The following LAMC3 variants were observed in gnomAD, a reference collection of about 807,000 sequenced individuals.
LAMC3 encodes the protein laminin subunit gamma 3, also known as laminin subunit gamma-3.
LAMC3 carries 128 observed loss-of-function variants against 173.8 expected under a neutral mutation model. The ratio of observed to expected loss-of-function variants is 0.74; its 90% CI spans 0.64 to 0.85. The LOEUF is 0.85. Among genes scored for constraint, LAMC3 ranks in the 40% least tolerant of loss-of-function variants. The probability of loss-of-function intolerance (pLI) is 0.00; values close to 1 mark genes in which losing one functional copy is unlikely to be tolerated. For synonymous variants in LAMC3, 897 were observed against 909.1 expected, an observed-to-expected ratio of 0.99 and a Z score of 0.24; for missense variants, 2,022 against 2,156.0, an observed-to-expected ratio of 0.94 and a Z score of 1.23.
chr9:131,060,599 C>T (rs909487557), intron 12 of LAMC3, among the ~76,000 whole-genome samples: 2 of 152,000 alleles, frequency 1.3e-5, no homozygotes, highest in Non-Finnish European at 2.9e-5. Context: ...AGCCAAATTG[C>T]ACCACTGCAC....
At chr9:131,057,573 C>G (rs1017873441) in intron 12 of LAMC3, among the ~76,000 whole-genome samples, 1 of 152,212 alleles carries the variant, frequency 6.6e-6, no homozygotes, top group African/African-American at 2.4e-5. Context: ...GAAGGTCACA[C>G]AGGTGACAGC....
chr9:131,069,061 T>A lies in LAMC3; in HGVS notation c.2890+11T>A, dbSNP rs559449051. 4 of 1,613,140 alleles carry A rather than the reference T, an allele frequency of 2.5e-6. No individual in the cohort carries two copies. The Admixed American group carries it at 6.7e-5, about 27-fold the overall frequency. ...TCAAGGGCTGCCGGGGTAAGGAGGCTGGGTCCTTCCCGGGCTGCCCTGAGG... is the reference window on the plus strand; with the variant it reads ...TCAAGGGCTGCCGGGGTAAGGAGGCAGGGTCCTTCCCGGGCTGCCCTGAGG... On this transcript the variant is annotated intron_variant, in intron 16 of 27. Coordinates refer to ENST00000361069, the MANE Select transcript of LAMC3 (RefSeq NM_006059.4).
rs753711099 is a variant in LAMC3, at chr9:131,049,024, C to T, written c.1524C>T (p.Ala508=). Residue 508 remains alanine, a synonymous_variant, in exon 9 of 28, where the codon GCC becomes GCT. Transcript: ENST00000361069. ...HHILSDFHQG[A]EGWWARSVGG... ...GTGTCTGTGTTTGCTGTCTAGGAGC[C>T]GAAGGCTGGTGGGCCAGAAGTGTGG... The T allele has an allele frequency of 1.3e-5, 20 of 1,547,696 alleles. No homozygotes were observed. Among genetic ancestry groups the T allele is most frequent in the Admixed American group, 3.9e-5 (2 of 51,010 alleles).
intron 13 of LAMC3, among the ~76,000 whole-genome samples, chr9:131,065,460 A>G (rs1829914389): frequency 6.6e-6 from 1 of 152,200 alleles, no homozygotes; most frequent in African/African-American, 2.4e-5. Context: ...AGGAAAATGC[A>G]CCCAGCTAAG....
chr9:131,009,475 C>A lies in LAMC3; in HGVS notation c.261C>A (p.Asn87Lys). The A allele has an allele frequency of 1.3e-6, 2 of 1,549,358 alleles. No individual in the cohort carries two copies. Among genetic ancestry groups the A allele is most frequent in the South Asian group, 2.4e-5 (2 of 84,048 alleles). ...CDAADPQRHH[N>K]ASYLTDFHSQ... ...CCGCCGACCCCCAGCGCCACCACAACGCCTCCTACCTCACCGACTTCCACA... is the reference window on the plus strand; with the variant it reads ...CCGCCGACCCCCAGCGCCACCACAAAGCCTCCTACCTCACCGACTTCCACA... The change falls in exon 1 of 28, where the codon AAC (asparagine) becomes AAA (lysine). Residue 87 changes from asparagine (N) to lysine (K), a missense_variant. Coordinates refer to ENST00000361069, the MANE Select transcript of LAMC3 (RefSeq NM_006059.4). The surrounding 1 kb of genome is among the most constrained non-coding windows in gnomAD (Gnocchi z 4.3).
At chr9:131,017,936 G>A (rs147304831) in intron 1 of LAMC3, among the ~76,000 whole-genome samples, 117 of 151,950 alleles carry the variant, frequency 7.7e-4, no homozygotes, top group African/African-American at 2.7e-3. Context: ...TGAGGCAGGA[G>A]AACCACTGGA....
At chr9:131,085,116 T>A (rs1408083977) in intron 24 of LAMC3, among the ~76,000 whole-genome samples, 1 of 152,142 alleles carries the variant, frequency 6.6e-6, no homozygotes, top group Non-Finnish European at 1.5e-5. Flanking sequence ...TGGTTTTCCA[T>A]GGTAAGGATC....
chr9:131,039,499 G>C (rs1220557266), intron 6 of LAMC3, among the ~76,000 whole-genome samples: 1 of 152,138 alleles, frequency 6.6e-6, no homozygotes, highest in Non-Finnish European at 1.5e-5. Flanking sequence ...TCCTGTAGGA[G>C]GTGCTGCATA....
chr9:131,062,356 T>G (rs1177276220), intron 13 of LAMC3, among the ~76,000 whole-genome samples: 3 of 151,724 alleles, frequency 2.0e-5, no homozygotes, highest in African/African-American at 2.4e-5. Flanking sequence ...AGTGAAACTC[T>G]GTCTCAAAAA....
At chr9:131,077,674 CTCAAAAAAAAAAAAAA>C (rs1830156314) in intron 22 of LAMC3, among the ~76,000 whole-genome samples, 1 of 55,404 alleles carries the variant, frequency 1.8e-5, no homozygotes, top group African/African-American at 7.1e-5. Flanking sequence ...AAGACTCCAT[CTCAAAAAAAAAAAAAA>C]AAAAAAAAAA....
At chr9:131,076,401 G>A (rs913936871) in intron 21 of LAMC3, among the ~76,000 whole-genome samples, 1 of 151,538 alleles carries the variant, frequency 6.6e-6, no homozygotes, top group Non-Finnish European at 1.5e-5. Context: ...TCAGTTTAAA[G>A]GTTCATGGAG....
chr9:131,057,271 G>A (rs1383010966), intron 12 of LAMC3, 124 bp downstream of exon 12: 2 of 806,374 alleles, frequency 2.5e-6, no homozygotes, highest in Non-Finnish European at 4.2e-6. Context: ...GTGGGGCAGT[G>A]CGGGCACTGA....
intron 11 of LAMC3, among the ~76,000 whole-genome samples, chr9:131,054,581 C>G (rs1554787672): frequency 2.0e-5 from 3 of 152,070 alleles, no homozygotes. Flanking sequence ...TGGTGAAACC[C>G]CATCTCTACT....
rs398012456 is a variant in LAMC3 at position 131,047,165 on chromosome 9, C to CTTTTTTTTTTTTTTTTTTTTTTTTTTTTT, written c.1519+1522_1519+1523insTTTTTTTTTTTTTTTTTTTTTTTTTTTTT. On this transcript the variant is annotated intron_variant, in intron 8 of 27. Transcript: ENST00000361069. ...AAAACTTTTTGGTCTCTGAATTCCT[C>CTTTTTTTTTTTTTTTTTTTTTTTTTTTTT]TTTTTTTTTTTTTTTTTAAGACGGA... is the stretch of plus-strand genomic sequence containing the variant. Among the ~76,000 whole-genome samples the CTTTTTTTTTTTTTTTTTTTTTTTTTTTTT allele has an allele frequency of 1.8e-3, 187 of 102,138 alleles. 23 individuals are homozygous for CTTTTTTTTTTTTTTTTTTTTTTTTTTTTT. The highest frequency in any genetic ancestry group is 0.011 in the Middle Eastern group (2 of 178). 67.0% of individuals were successfully genotyped at this position (102,138 alleles called of 152,430 possible). A position where few individuals can be genotyped will look rare whatever the true frequency, so the allele number is the denominator to read the frequency against.
intron 1 of LAMC3, among the ~76,000 whole-genome samples, chr9:131,012,875 C>T (rs530239431): frequency 1.3e-4 from 20 of 152,156 alleles, no homozygotes; most frequent in Non-Finnish European, 2.8e-4. Flanking sequence ...GCATTCCCAG[C>T]CCCCCGTGGC....
Position 131,009,864 on chromosome 9 carries a change from GA to G in LAMC3, c.373+282del, listed in dbSNP as rs897207894. 6.6e-6 allele frequency among the ~76,000 whole-genome samples: 1 copy of G among 151,154 alleles called. No homozygotes were observed. Among genetic ancestry groups the G allele is most frequent in the Non-Finnish European group, 1.5e-5 (1 of 67,760 alleles). On this transcript the variant is annotated intron_variant, in intron 1 of 27. Coordinates refer to ENST00000361069, the MANE Select transcript of LAMC3 (RefSeq NM_006059.4). This position sits in a 1 kb window ranked among gnomAD's most constrained non-coding sequence, Gnocchi z 4.3. The stretch of plus-strand genomic sequence containing the variant: ...AGATCCCATCTTTACAAAAAATAAA[GA>G]AAAATAGGCCGGGCGCGGTGGCTGA...
intron 8 of LAMC3, among the ~76,000 whole-genome samples, chr9:131,048,719 G>A (rs755790421): frequency 2.6e-5 from 4 of 152,178 alleles, no homozygotes; most frequent in African/African-American, 4.8e-5. Flanking sequence ...GGTCACAGGT[G>A]AGAAAGTTCT....
chr9:131,038,822 A>AT (rs1833989327), intron 4 of LAMC3, 42 bp from the exon 5 acceptor site: 2 of 1,601,140 alleles, frequency 1.2e-6, no homozygotes, highest in Non-Finnish European at 1.7e-6. Context: ...CTCCTACCAC[A>AT]TCACAGGGGA....
At chr9:131,072,921 G>A in intron 19 of LAMC3, 86 bp downstream of exon 19, 1 of 1,275,856 alleles carries the variant, frequency 7.8e-7, no homozygotes, top group Non-Finnish European at 1.1e-6. Context: ...GGTGACCTTG[G>A]GTATGACTCC....
Sources: allele counts gnomAD v4.1 joint callset (sites outside exome capture counted in the v4.1 genomes callset), GRCh38; gene constraint gnomAD v4.1.1; non-coding constraint Gnocchi (gnomAD v3.1); transcripts MANE v1.5; gene names NCBI Gene and HGNC (gene_info 2026-07-23, HGNC 2026-07-21).